Variants in TET1 observed in about 807,000 individuals in gnomAD.
TET1 encodes tet methylcytosine dioxygenase 1, also known as methylcytosine dioxygenase TET1.
TET1 carries 13 observed loss-of-function variants against 148.7 expected under a neutral mutation model. That is an observed-to-expected ratio of 0.09 (90% CI 0.06 to 0.14). The LOEUF is 0.14. TET1 is among the 10% of genes least tolerant of loss of function. The pLI, the probability that TET1 is intolerant of heterozygous loss-of-function variation, is 1.00. For missense variants in TET1, 2,182 were observed against 2,553.8 expected (o/e 0.85, Z 3.14); for synonymous variants, 907 against 937.2 (o/e 0.97, Z 0.59).
At chr10:68,580,313 A>T (rs1359389851) in intron 2 of TET1, among the ~76,000 whole-genome samples, 9 of 60,434 alleles carry the variant, frequency 1.5e-4, no homozygotes, top group Non-Finnish European at 2.3e-4. Context: ...ATTATATTCA[A>T]TTTTTTTTTT....
chr10:68,567,051 A>G (rs946423148), intron 1 of TET1, among the ~76,000 whole-genome samples: 5 of 152,178 alleles, frequency 3.3e-5, no homozygotes, highest in Admixed American at 1.3e-4. Context: ...ACTAATATTT[A>G]TGAACTGAAA....
intron 1 of TET1, among the ~76,000 whole-genome samples, chr10:68,570,781 C>T (rs549147627): frequency 3.3e-5 from 5 of 151,318 alleles, no homozygotes; most frequent in African/African-American, 4.9e-5. Context: ...GGGCACCCGC[C>T]GCCACGCCCA....
chr10:68,624,099 C>CTTTCTTTTTTT (rs1554937832), intron 3 of TET1, among the ~76,000 whole-genome samples: 2 of 148,032 alleles, frequency 1.4e-5, no homozygotes, highest in African/African-American at 4.9e-5. Context: ...TTCTTTCTTT[C>CTTTCTTTTTTT]TTTTCTTTTT....
At chr10:68,637,899 C>A (rs1449246387) in intron 3 of TET1, among the ~76,000 whole-genome samples, 1 of 151,946 alleles carries the variant, frequency 6.6e-6, no homozygotes, top group Non-Finnish European at 1.5e-5. Flanking sequence ...AGTACCTCAG[C>A]CTCCAAAGTA....
chr10:68,648,526 G>A (rs1373137185), intron 4 of TET1, among the ~76,000 whole-genome samples: 2 of 152,136 alleles, frequency 1.3e-5, no homozygotes, highest in African/African-American at 4.8e-5. Context: ...TTTAGTTATT[G>A]GAAGTCTTAC....
intron 4 of TET1, among the ~76,000 whole-genome samples, chr10:68,651,244 T>C (rs1180942571): frequency 6.6e-6 from 1 of 152,070 alleles, no homozygotes; most frequent in African/African-American, 2.4e-5. Context: ...GGTCAGGAGA[T>C]TGAGACCATC....
intron 8 of TET1, among the ~76,000 whole-genome samples, chr10:68,678,624 C>G (rs1308545423): frequency 6.6e-6 from 1 of 151,876 alleles, no homozygotes; most frequent in African/African-American, 2.4e-5. Context: ...GTGGCGGGCA[C>G]CTGTAATTCC....
intron 8 of TET1, among the ~76,000 whole-genome samples, chr10:68,676,256 ATATATATATATATT>A (rs1171821102): frequency 1.2e-4 from 5 of 40,372 alleles, no homozygotes; most frequent in African/African-American, 5.4e-4. Flanking sequence ...ATATATATAT[ATATATATATATATT>A]TTTTTTTTTT....
chr10:68,632,333 A>G (rs77424737), intron 3 of TET1: 2 of 1,520,548 alleles, frequency 1.3e-6, no homozygotes, highest in Non-Finnish European at 9.0e-7. Flanking sequence ...AAAAAAAAAG[A>G]AAGGGTGCAG....
intron 7 of TET1, among the ~76,000 whole-genome samples, chr10:68,671,115 A>G (rs549000788): frequency 7.6e-4 from 115 of 152,148 alleles, no homozygotes; most frequent in African/African-American, 2.7e-3. Flanking sequence ...TTCATGTCAC[A>G]GGGGTTTGTT....
intron 2 of TET1, among the ~76,000 whole-genome samples, chr10:68,593,660 G>A (rs978002033): frequency 6.6e-6 from 1 of 151,862 alleles, no homozygotes; most frequent in African/African-American, 2.4e-5. Flanking sequence ...TGCACAGGCT[G>A]GAGAGCAAAT....
At chr10:68,670,783 T>C (rs1178187535) in intron 7 of TET1, among the ~76,000 whole-genome samples, 2 of 152,178 alleles carry the variant, frequency 1.3e-5, no homozygotes, top group Admixed American at 6.5e-5. Flanking sequence ...TCGTAGTCTT[T>C]CTTTTATAAG....
At chr10:68,594,570 A>G (rs1171247713) in intron 2 of TET1, among the ~76,000 whole-genome samples, 2 of 152,140 alleles carry the variant, frequency 1.3e-5, no homozygotes, top group Non-Finnish European at 2.9e-5. Context: ...CTTCTAGTGG[A>G]CCAACCGCTT....
intron 3 of TET1, among the ~76,000 whole-genome samples, chr10:68,641,391 A>G (rs1438063934): frequency 6.6e-6 from 1 of 151,594 alleles, no homozygotes; most frequent in Middle Eastern, 3.2e-3. Context: ...ATAGTTTTGA[A>G]TTTCTATGTT....
intron 6 of TET1, among the ~76,000 whole-genome samples, chr10:68,661,880 CTTTT>C (rs56047246): frequency 2.1e-4 from 23 of 111,114 alleles, no homozygotes; most frequent in Non-Finnish European, 3.2e-4. Flanking sequence ...AATTTTTTTT[CTTTT>C]TTTTTTTTTT....
At chr10:68,614,421 T>A (rs1295821938) in intron 3 of TET1, among the ~76,000 whole-genome samples, 4 of 152,190 alleles carry the variant, frequency 2.6e-5, no homozygotes, top group Non-Finnish European at 4.4e-5. Context: ...AAATGTATTT[T>A]TCTGTCCTGA....
At chr10:68,643,427 T>C (rs1351880891) in intron 3 of TET1, among the ~76,000 whole-genome samples, 1 of 152,152 alleles carries the variant, frequency 6.6e-6, no homozygotes, top group Non-Finnish European at 1.5e-5. Context: ...GGACTACAAG[T>C]ATACTTAACA....
rs138726459 is a variant in TET1, at chr10:68,686,416, C to G, written c.5113C>G (p.Leu1705Val). The G allele has an allele frequency of 3.7e-6, 6 of 1,613,954 alleles. No homozygotes were observed. The highest frequency in any genetic ancestry group is 4.2e-6 in the Non-Finnish European group (5 of 1,180,022). ...SLGVIPQDEQ[L>V]HVLPLYKLSD... is the part of the protein sequence containing the mutation. Reference sequence around the variant, plus strand: ...GGGTGTTATTCCTCAAGATGAGCAGCTCCATGTGCTACCTCTTTATAAGCT... The same window carrying G: ...GGGTGTTATTCCTCAAGATGAGCAGGTCCATGTGCTACCTCTTTATAAGCT... The change falls in exon 11 of 12, where the codon CTC becomes GTC. Residue 1705 changes from leucine to valine, a missense_variant. This residue lies in a region of TET1 where 380 missense variants were observed against 387.9 expected (regional missense o/e 0.98). Coordinates refer to ENST00000373644, the MANE Select transcript of TET1 (RefSeq NM_030625.3).
intron 8 of TET1, among the ~76,000 whole-genome samples, chr10:68,675,596 C>T (rs555299932): frequency 2.1e-5 from 3 of 142,510 alleles, no homozygotes; most frequent in East Asian, 2.1e-4. Context: ...GTCTGGGTCT[C>T]GCTCTGTCAT....
Sources: allele counts gnomAD v4.1 joint callset (sites outside exome capture counted in the v4.1 genomes callset), GRCh38; gene constraint gnomAD v4.1.1; regional missense constraint gnomAD v4.1.1; transcripts MANE v1.5; gene names NCBI Gene and HGNC (gene_info 2026-07-23, HGNC 2026-07-21).